Variants in CACNB2 observed in about 807,000 individuals in gnomAD.
The protein encoded by CACNB2 is calcium voltage-gated channel auxiliary subunit beta 2, also known as voltage-dependent L-type calcium channel subunit beta-2.
In CACNB2, 42 loss-of-function variants were observed where a neutral mutation model predicts 73.3. The ratio of observed to expected loss-of-function variants is 0.57; its 90% CI spans 0.45 to 0.74. The LOEUF is 0.74. CACNB2 is among the 30% of genes least tolerant of loss of function. The probability of loss-of-function intolerance (pLI) is 0.00; values close to 1 mark genes in which losing one functional copy is unlikely to be tolerated. For synonymous variants in CACNB2, 348 were observed against 310.3 expected (o/e 1.12, Z -1.28); for missense variants, 940 against 853.0 (o/e 1.10, Z -1.27).
intron 3 of CACNB2, among the ~76,000 whole-genome samples, chr10:18,403,697 C>A (rs2044128640): frequency 6.6e-6 from 1 of 152,024 alleles, no homozygotes; most frequent in Admixed American, 6.5e-5. Context: ...CTAAATCAAA[C>A]CAGGGTCGTG....
intron 2 of CACNB2, among the ~76,000 whole-genome samples, chr10:18,253,008 C>T (rs1412534516): frequency 6.6e-6 from 1 of 152,206 alleles, no homozygotes; most frequent in African/African-American, 2.4e-5. Flanking sequence ...AGGTTTAAAG[C>T]CATGGGCTCA....
chr10:18,472,451 G>T (rs1278927673), intron 3 of CACNB2, among the ~76,000 whole-genome samples: 2 of 152,072 alleles, frequency 1.3e-5, no homozygotes, highest in Non-Finnish European at 2.9e-5. Context: ...TGGCCAGGCT[G>T]GTCTTGAATT....
intron 2 of CACNB2, among the ~76,000 whole-genome samples, chr10:18,236,916 G>T (rs1195292357): frequency 6.6e-6 from 1 of 152,172 alleles, no homozygotes; most frequent in East Asian, 1.9e-4. Context: ...AATATGCTAG[G>T]AAGCTGGGGA....
intron 2 of CACNB2, among the ~76,000 whole-genome samples, chr10:18,329,616 G>T (rs560885045): frequency 6.6e-6 from 1 of 151,848 alleles, no homozygotes; most frequent in Non-Finnish European, 1.5e-5. Context: ...CACTAAGTGT[G>T]CGTTTAGAAA....
Position 18,380,457 on chromosome 10 carries a change from T to TC in CACNB2, c.214-21467_214-21466insC, listed in dbSNP as rs527845826. On this transcript the variant is annotated intron_variant, in intron 2 of 13. Coordinates refer to ENST00000324631, the MANE Select transcript of CACNB2 (RefSeq NM_201596.3). ...AACTTGAAACATGTGTTTTTCTTTT[T>TC]TTTTTTTTTTTTTTTGAGATGGAGT... Among the ~76,000 whole-genome samples the TC allele has an allele frequency of 4.5e-3, 647 of 144,508 alleles. 1 individual carries two copies. Among genetic ancestry groups the TC allele is most frequent in the African/African-American group, 0.011 (429 of 38,486 alleles). 94.8% of individuals were successfully genotyped at this position (144,508 alleles called of 152,430 possible).
intron 10 of CACNB2, among the ~76,000 whole-genome samples, chr10:18,528,117 CCATT>C (rs2052658549): frequency 6.6e-6 from 1 of 152,108 alleles, no homozygotes; most frequent in Non-Finnish European, 1.5e-5. Context: ...TAAATGATAT[CCATT>C]ATTATCCTAA....
At chr10:18,174,443 G>A (rs368207044) in intron 2 of CACNB2, among the ~76,000 whole-genome samples, 33 of 140,616 alleles carry the variant, frequency 2.3e-4, no homozygotes, top group Non-Finnish European at 4.4e-4. Flanking sequence ...TGCTCTTGCC[G>A]CCCAGGCTGG....
chr10:18,366,981 T>G (rs562993445), intron 2 of CACNB2, among the ~76,000 whole-genome samples: 1 of 152,220 alleles, frequency 6.6e-6, no homozygotes, highest in East Asian at 1.9e-4. Context: ...ACTGTCATAA[T>G]GCACTTGAAC....
At chr10:18,497,538 G>C (rs570882386) in intron 3 of CACNB2, among the ~76,000 whole-genome samples, 1 of 152,162 alleles carries the variant, frequency 6.6e-6, no homozygotes, top group East Asian at 1.9e-4. Context: ...TCTTGCCTTA[G>C]CCTCCCAAGT....
intron 2 of CACNB2, among the ~76,000 whole-genome samples, chr10:18,254,014 G>A (rs2037185435): frequency 1.3e-5 from 2 of 152,206 alleles, no homozygotes; most frequent in Admixed American, 1.3e-4. Flanking sequence ...GAGGAAGAGA[G>A]AGTCAGGAAC....
intron 1 of CACNB2, among the ~76,000 whole-genome samples, chr10:18,148,110 T>C (rs781661974): frequency 6.6e-6 from 1 of 151,776 alleles, no homozygotes; most frequent in East Asian, 1.9e-4. Flanking sequence ...AAAAAGAAAC[T>C]TTAGAAGAGA....
At chr10:18,401,213 T>A in intron 2 of CACNB2, 1 of 1,270,156 alleles carries the variant, frequency 7.9e-7, no homozygotes, top group Non-Finnish European at 1.1e-6. Flanking sequence ...GGATCATGAT[T>A]GCAGGAGAGG....
At position 18,191,509 on chromosome 10, in the gene CACNB2, T is replaced by C. The variant is rs558539336; in HGVS notation, c.213+40534T>C. 8.5e-5 allele frequency among the ~76,000 whole-genome samples: 13 copies of C among 152,326 alleles called. No homozygotes were observed. The South Asian group carries it at 2.3e-3, about 27-fold the overall frequency. ...TTGGTTACATGAGTAAGTTGTTTAG[T>C]GGTGATTTGTGAAATTTTGGTACAC... On this transcript the variant is annotated intron_variant, in intron 2 of 13. Coordinates refer to ENST00000324631, the MANE Select transcript of CACNB2 (RefSeq NM_201596.3).
chr10:18,467,572 C>T (rs369257444), intron 3 of CACNB2, among the ~76,000 whole-genome samples: 6 of 152,154 alleles, frequency 3.9e-5, no homozygotes, highest in Non-Finnish European at 7.4e-5. Context: ...CTAACATACG[C>T]GTTAATTGCT....
intron 6 of CACNB2, among the ~76,000 whole-genome samples, chr10:18,510,961 A>C (rs4628581): frequency 0.52 from 78,351 of 151,972 alleles, 20,773 homozygotes; most frequent in African/African-American, 0.63. Context: ...TCAAGGAAAA[A>C]CATTTCTGAA....
chr10:18,171,189 C>T (rs927830113), intron 2 of CACNB2, among the ~76,000 whole-genome samples: 2 of 152,102 alleles, frequency 1.3e-5, no homozygotes, highest in Admixed American at 1.3e-4. Context: ...TGTCTTCTGC[C>T]AGGCATTAGG....
At chr10:18,296,530 C>G (rs749841402) in intron 2 of CACNB2, among the ~76,000 whole-genome samples, 2 of 152,010 alleles carry the variant, frequency 1.3e-5, no homozygotes, top group East Asian at 3.9e-4. Context: ...CTAGGGAAAC[C>G]TGAGAGATCA....
Position 18,542,658 on chromosome 10 carries a change from A to C in CACNB2, c.*2934A>C, listed in dbSNP as rs2054114972. The C allele has an allele frequency of 6.6e-6, 1 of 152,178 alleles. No individual in the cohort carries two copies. The highest frequency in any genetic ancestry group is 2.1e-4 in the South Asian group (1 of 4,834). The allele number at this position is 152,178 out of a possible 1,614,324, so 9.4% of individuals were successfully genotyped here. On this transcript the variant is annotated 3_prime_UTR_variant, in exon 14 of 14. Transcript: ENST00000324631. ...TCAAAGAACTAGCTTGAAGGATTTG[A>C]CATAAGAGCCGCTATATGTGAAAAA... is the stretch of plus-strand genomic sequence containing the variant.
At chr10:18,385,712 A>G (rs1015902849) in intron 2 of CACNB2, among the ~76,000 whole-genome samples, 54 of 151,836 alleles carry the variant, frequency 3.6e-4, no homozygotes, top group African/African-American at 1.3e-3. Context: ...ATAGAAAAAT[A>G]CTCTCTGATG....
Sources: gnomAD v4.1 joint callset for allele counts (sites outside exome capture counted in the v4.1 genomes callset) on GRCh38, gnomAD v4.1.1 for gene constraint, MANE v1.5 for transcripts, NCBI Gene and HGNC (gene_info 2026-07-23, HGNC 2026-07-21) for gene names.